AKT3: variants seen among roughly 807,000 people sequenced by gnomAD.
The protein encoded by AKT3 is AKT serine/threonine kinase 3.
AKT3 carries 15 observed loss-of-function variants against 65.3 expected under a neutral mutation model. The ratio of observed to expected loss-of-function variants is 0.23; its 90% CI spans 0.15 to 0.35. The LOEUF is 0.35. AKT3 is among the 10% of genes least tolerant of loss of function. The pLI is 1.00. For missense variants in AKT3, 243 were observed against 576.5 expected (o/e 0.42, Z 5.92); for synonymous variants, 206 against 183.8 (o/e 1.12, Z -0.98).
intron 3 of AKT3, among the ~76,000 whole-genome samples, chr1:243,684,715 T>A (rs962209333): frequency 9.2e-5 from 14 of 152,214 alleles, no homozygotes; most frequent in African/African-American, 3.4e-4. Context: ...TAGTTCTAGA[T>A]CCTTGAGGAA....
intron 2 of AKT3, among the ~76,000 whole-genome samples, chr1:243,772,197 A>G (rs1227933246): frequency 6.6e-6 from 1 of 152,182 alleles, no homozygotes; most frequent in Non-Finnish European, 1.5e-5. Context: ...ATGGGATCTA[A>G]TTAAACTAAA....
At chr1:243,639,887 G>A (rs1329574153) in intron 5 of AKT3, among the ~76,000 whole-genome samples, 1 of 152,098 alleles carries the variant, frequency 6.6e-6, no homozygotes, top group African/African-American at 2.4e-5. Flanking sequence ...GTGAAGCCAA[G>A]AACCCATGTG....
intron 6 of AKT3, among the ~76,000 whole-genome samples, chr1:243,635,600 A>C (rs546674504): frequency 6.6e-6 from 1 of 152,114 alleles, no homozygotes; most frequent in South Asian, 2.1e-4. Context: ...GGCAAAATCC[A>C]CTGATATGGG....
In AKT3 at chr1:243,846,450, A is replaced by G. The variant is rs867946293; in HGVS notation, c.-112-3168T>C. On this transcript the variant is annotated intron_variant, in intron 1 of 13. Transcript: ENST00000673466. The stretch of plus-strand genomic sequence containing the variant: ...TTTCCTCTCATAATATTTAGAAATG[A>G]GAAATACCTGTAGTTGGTGATAGAG... Among the ~76,000 whole-genome samples, 3 of 152,302 alleles carry G rather than the reference A, an allele frequency of 2.0e-5. No homozygotes were observed. In the Middle Eastern group the frequency reaches 0.01, roughly 518 times the overall value.
chr1:243,618,512 A>T, intron 6 of AKT3, among the ~76,000 whole-genome samples: 1 of 152,154 alleles, frequency 6.6e-6, no homozygotes, highest in Admixed American at 6.6e-5. Flanking sequence ...ACAGTGACTA[A>T]AACAATGTGA....
chr1:243,545,151 T>C (rs936210883), intron 12 of AKT3, among the ~76,000 whole-genome samples: 1 of 152,212 alleles, frequency 6.6e-6, no homozygotes, highest in Non-Finnish European at 1.5e-5. Flanking sequence ...ATCTGAAGTG[T>C]TCACTTTAAA....
chr1:243,784,260 AG>A, intron 2 of AKT3, among the ~76,000 whole-genome samples: 1 of 152,224 alleles, frequency 6.6e-6, no homozygotes, highest in East Asian at 1.9e-4. Flanking sequence ...TCCTGACATG[AG>A]AACAAACATA....
chr1:243,815,776 A>AGTTGTTGTTGGTGTTGTTGTT (rs1693476184), intron 2 of AKT3, among the ~76,000 whole-genome samples: 1 of 147,186 alleles, frequency 6.8e-6, no homozygotes, highest in African/African-American at 2.5e-5. Flanking sequence ...ACACCCAGCT[A>AGTTGTTGTTGGTGTTGTTGTT]GTTGTTGTTG....
At position 243,758,617 on chromosome 1, in the gene AKT3, G is replaced by A. The variant is rs757080518; in HGVS notation, c.47-62901C>T. Among the ~76,000 whole-genome samples, 5 of 152,178 alleles carry A rather than the reference G, an allele frequency of 3.3e-5. 1 individual carries two copies. The highest frequency in any genetic ancestry group is 7.2e-5 in the African/African-American group (3 of 41,434). On this transcript the variant is annotated intron_variant, in intron 2 of 13. Transcript: ENST00000673466. ...TTCCATAGACCTTGGAAGAGGTAGG[G>A]GGAGAAGGTGTCGGGCTGAAACTGT...
intron 13 of AKT3, among the ~76,000 whole-genome samples, chr1:243,508,947 C>T (rs566217788): frequency 9.5e-4 from 145 of 152,196 alleles, no homozygotes; most frequent in Non-Finnish European, 1.9e-3. Context: ...GCTGGGATTA[C>T]AGGTGTGCAC....
In AKT3 at chr1:243,500,855, A is replaced by T. The variant is rs1669223780; in HGVS notation, c.*4394T>A. The T allele has an allele frequency of 4.4e-6, 1 of 228,980 alleles. No individual in the cohort carries two copies. Among genetic ancestry groups the T allele is most frequent in the Admixed American group, 5.7e-5 (1 of 17,656 alleles). The allele number at this position is 228,980 out of a possible 1,614,324, so 14.2% of individuals were successfully genotyped here. ...TCAAGCCTGAAACAGTAGAACTTCT[A>T]TTCAGATTCAGAAGTTTTTTATTTC... On this transcript the variant is annotated 3_prime_UTR_variant, in exon 14 of 14. Transcript: ENST00000673466.
chr1:243,624,342 G>A (rs1424004773), intron 6 of AKT3, among the ~76,000 whole-genome samples: 1 of 152,162 alleles, frequency 6.6e-6, no homozygotes, highest in Non-Finnish European at 1.5e-5. Flanking sequence ...TGAGAAACAA[G>A]CTAAATACAC....
In AKT3 at chr1:243,553,179, CA is replaced by C. The variant is rs35345655; in HGVS notation, c.949-237del. On this transcript the variant is annotated intron_variant, in intron 10 of 13. Coordinates refer to ENST00000673466, the MANE Select transcript of AKT3 (RefSeq NM_005465.7). ...TGTACAAAAAAAGGGGCAGGTCGTACAAAAAAAAAAAAATCCCAAGTACATG... is the reference window on the plus strand; with the variant it reads ...TGTACAAAAAAAGGGGCAGGTCGTACAAAAAAAAAAAATCCCAAGTACATG... Among the ~76,000 whole-genome samples the C allele has an allele frequency of 0.013, 1,572 of 118,222 alleles. 8 individuals are homozygous for C. The highest frequency in any genetic ancestry group is 0.019 in the Non-Finnish European group (1,031 of 54,384). 77.6% of individuals were successfully genotyped at this position (118,222 alleles called of 152,430 possible).
At chr1:243,795,475 G>GTTTTTTTTTTTT (rs369512939) in intron 2 of AKT3, among the ~76,000 whole-genome samples, 5 of 88,016 alleles carry the variant, frequency 5.7e-5, no homozygotes, top group Admixed American at 1.3e-4. Context: ...TTTTTTTTTT[G>GTTTTTTTTTTTT]GTTTTTTTTT....
intron 2 of AKT3, among the ~76,000 whole-genome samples, chr1:243,699,131 C>T (rs1244735338): frequency 1.3e-5 from 2 of 152,036 alleles, no homozygotes; most frequent in East Asian, 3.9e-4. Flanking sequence ...AAGTACACTC[C>T]CTGCCACCAA....
intron 10 of AKT3, among the ~76,000 whole-genome samples, chr1:243,562,663 T>C (rs761754874): frequency 2.0e-5 from 3 of 152,088 alleles, no homozygotes; most frequent in African/African-American, 4.8e-5. Context: ...TCCAGACTCA[T>C]GGAGAGAAGG....
At chr1:243,812,675 T>C (rs539518863) in intron 2 of AKT3, among the ~76,000 whole-genome samples, 1 of 152,264 alleles carries the variant, frequency 6.6e-6, no homozygotes, top group East Asian at 1.9e-4. Flanking sequence ...AGTGGGTACA[T>C]ACCCAAAGGA....
At chr1:243,777,223 A>G (rs537472538) in intron 2 of AKT3, among the ~76,000 whole-genome samples, 14 of 152,200 alleles carry the variant, frequency 9.2e-5, no homozygotes, top group South Asian at 2.1e-4. Flanking sequence ...TTAAATTCTC[A>G]TAAGGAGAGT....
At chr1:243,534,937 T>C (rs1026521586) in intron 12 of AKT3, among the ~76,000 whole-genome samples, 1 of 150,978 alleles carries the variant, frequency 6.6e-6, no homozygotes, top group Non-Finnish European at 1.5e-5. Context: ...AAAGAGAAAA[T>C]TAAATCCAAA....
Sources: allele counts gnomAD v4.1 joint callset (sites outside exome capture counted in the v4.1 genomes callset), GRCh38; gene constraint gnomAD v4.1.1; transcripts MANE v1.5; gene names NCBI Gene and HGNC (gene_info 2026-07-23, HGNC 2026-07-21).